Variants in CPAMD8 observed in about 807,000 individuals in gnomAD.
CPAMD8 encodes the protein C3 and PZP like alpha-2-macroglobulin domain containing 8, also known as C3 and PZP-like alpha-2-macroglobulin domain-containing protein 8.
A neutral mutation model predicts 224.7 loss-of-function variants in CPAMD8; 146 were observed. The observed-to-expected ratio is 0.65, with a 90% CI of 0.57 to 0.75. The LOEUF (loss-of-function observed/expected upper bound fraction) is 0.75, where lower values mean the gene tolerates loss of function less well. Among genes scored for constraint, CPAMD8 ranks in the 30% least tolerant of loss-of-function variants. The pLI, the probability that CPAMD8 is intolerant of heterozygous loss-of-function variation, is 0.00. For missense variants in CPAMD8, 2,301 were observed against 2,537.5 expected (o/e 0.91, Z 2.00); for synonymous variants, 966 against 1,044.6 (o/e 0.92, Z 1.45).
intron 26 of CPAMD8, 42 bp downstream of exon 26, chr19:16,925,153 CT>C (rs773898734): frequency 1.9e-6 from 3 of 1,604,488 alleles, no homozygotes; most frequent in African/African-American, 2.7e-5. Flanking sequence ...CTGAACCTGC[CT>C]CCCTTGCTCC....
In CPAMD8 at chr19:16,938,400, G is replaced by T; in HGVS notation, c.2840C>A (p.Pro947His). ...RAYTYSAFFCPSERVHISTPN... is the reference protein window; with the variant it reads ...RAYTYSAFFCHSERVHISTPN... Reference sequence around the variant, plus strand: ...AATGGGCACGGGGGACTCACCACTGGGACAGAAGAATGCGCTGTAGGTGTA... The same window carrying T: ...AATGGGCACGGGGGACTCACCACTGTGACAGAAGAATGCGCTGTAGGTGTA... The change falls in exon 23 of 42, where the codon CCC (proline) becomes CAC (histidine). Residue 947 changes from proline to histidine, a missense_variant. Physicochemically the swap from Pro to His is moderately conservative, Grantham distance 77 (BLOSUM62 -2). This residue lies in a region of CPAMD8 where 1,709 missense variants were observed against 1,753.2 expected (regional missense o/e 0.97). Transcript: ENST00000443236. 2 of 1,561,358 alleles carry T rather than the reference G, an allele frequency of 1.3e-6. No individual in the cohort carries two copies. Among genetic ancestry groups the T allele is most frequent in the Non-Finnish European group, 1.7e-6 (2 of 1,157,066 alleles).
In CPAMD8 at chr19:16,907,179, A is replaced by G. The variant is rs1229167765; in HGVS notation, c.3862-62T>C. Reference sequence around the variant, plus strand: ...TGCTCTGCCCCCATCCCACCCACCCACTGGCTTCTGAGGCATCCCCGAGGA... The same window carrying G: ...TGCTCTGCCCCCATCCCACCCACCCGCTGGCTTCTGAGGCATCCCCGAGGA... On this transcript the variant is annotated intron_variant, in intron 29 of 41. Coordinates refer to ENST00000443236, the MANE Select transcript of CPAMD8 (RefSeq NM_015692.5). 6 of 1,290,980 alleles carry G rather than the reference A, an allele frequency of 4.6e-6. No homozygotes were observed. The South Asian group carries it at 9.3e-5, about 20-fold the overall frequency. The allele number at this position is 1,290,980 out of a possible 1,614,324, so 80.0% of individuals were successfully genotyped here.
intron 9 of CPAMD8, among the ~76,000 whole-genome samples, chr19:17,001,232 A>T (rs1436684473): frequency 6.8e-6 from 1 of 146,692 alleles, no homozygotes; most frequent in Non-Finnish European, 1.5e-5. Context: ...CTGAGGCAGG[A>T]GAATCAATTG....
chr19:16,911,366 CTT>C (rs151247793), intron 29 of CPAMD8, among the ~76,000 whole-genome samples: 11 of 141,932 alleles, frequency 7.8e-5, no homozygotes, highest in African/African-American at 7.7e-5. Flanking sequence ...TTTTTTTGTT[CTT>C]TTTTTTTTTT....
At chr19:16,999,921 G>A (rs895295211) in intron 10 of CPAMD8, among the ~76,000 whole-genome samples, 39 of 151,986 alleles carry the variant, frequency 2.6e-4, no homozygotes, top group African/African-American at 8.9e-4. Flanking sequence ...CAAGTGATCC[G>A]CCCGCCTTGG....
chr19:16,984,187 C>T (rs986759502), intron 13 of CPAMD8, among the ~76,000 whole-genome samples: 1 of 151,814 alleles, frequency 6.6e-6, no homozygotes, highest in African/African-American at 2.4e-5. Flanking sequence ...TGGTGGCTCA[C>T]ACCTGCAATC....
intron 3 of CPAMD8, among the ~76,000 whole-genome samples, chr19:17,014,125 C>G (rs1440853075): frequency 6.6e-6 from 1 of 152,036 alleles, no homozygotes; most frequent in Non-Finnish European, 1.5e-5. Context: ...GATCAGAGCT[C>G]ACTACAGCCT....
At chr19:17,007,457 CGAA>C (rs924136117) in intron 7 of CPAMD8, among the ~76,000 whole-genome samples, 13 of 145,642 alleles carry the variant, frequency 8.9e-5, no homozygotes, top group African/African-American at 2.8e-4. Flanking sequence ...GAAGGAAGAT[CGAA>C]GAAGAAGGAG....
chr19:16,941,929 T>C (rs139216021), intron 22 of CPAMD8, among the ~76,000 whole-genome samples: 13 of 152,184 alleles, frequency 8.5e-5, no homozygotes, highest in African/African-American at 2.6e-4. Context: ...GCTGAGATCA[T>C]GCCATTGCAC....
chr19:16,896,929 G>T lies in CPAMD8; in HGVS notation c.5066-264C>A, dbSNP rs2227369. On this transcript the variant is annotated intron_variant, in intron 39 of 41. Transcript: ENST00000443236. ...GGAGACAGGGCGTCCTGTCTGGGCC[G>T]CCCTGCAACAACAGCCCCGTCCCCT... is the stretch of plus-strand genomic sequence containing the variant. 2.0e-5 allele frequency: 7 copies of T among 345,910 alleles called. No individual in the cohort carries two copies. In the South Asian group the frequency reaches 3.5e-4, roughly 17 times the overall value. 21.4% of individuals were successfully genotyped at this position (345,910 alleles called of 1,614,324 possible). A position where few individuals can be genotyped will look rare whatever the true frequency, so the allele number is the denominator to read the frequency against.
At chr19:16,897,867 G>T in intron 38 of CPAMD8, 22 bp downstream of exon 38, 1 of 1,593,048 alleles carries the variant, frequency 6.3e-7, no homozygotes, top group Non-Finnish European at 8.5e-7. Context: ...GCCGGGCCGG[G>T]GGTGCGGGCG....
At chr19:16,967,814 A>AAAT (rs1281517835) in intron 18 of CPAMD8, among the ~76,000 whole-genome samples, 58 of 79,562 alleles carry the variant, frequency 7.3e-4, no homozygotes, top group South Asian at 1.2e-3. Flanking sequence ...GTCTCACCAA[A>AAAT]ATATATATAT....
chr19:16,998,734 G>A (rs912047335), intron 10 of CPAMD8, among the ~76,000 whole-genome samples: 2 of 152,128 alleles, frequency 1.3e-5, no homozygotes, highest in Admixed American at 6.6e-5. Flanking sequence ...AAACAGGTGG[G>A]AATATAAAAT....
In CPAMD8 at chr19:16,902,771, C is replaced by T. The variant is rs200862393; in HGVS notation, c.4563G>A (p.Pro1521=). ...SLQEPEAQGR[P]PPMPASAAEG... ...CAGCTGCGGAGGCAGGCATGGGGGGCGGGCGTCCCTGGGCCTCAGGCTCCT... is the reference window on the plus strand; with the variant it reads ...CAGCTGCGGAGGCAGGCATGGGGGGTGGGCGTCCCTGGGCCTCAGGCTCCT... The change falls in exon 35 of 42, where the codon CCG becomes CCA. Residue 1521 remains proline (P), a synonymous_variant. Coordinates refer to ENST00000443236, the MANE Select transcript of CPAMD8 (RefSeq NM_015692.5). 2,291 of 1,591,026 alleles carry T rather than the reference C, an allele frequency of 1.4e-3. 2 individuals carry two copies. The highest frequency in any genetic ancestry group is 1.8e-3 in the Non-Finnish European group (2,110 of 1,165,068).
At chr19:17,022,500 T>C (rs969509889) in intron 1 of CPAMD8, among the ~76,000 whole-genome samples, 5 of 151,740 alleles carry the variant, frequency 3.3e-5, no homozygotes, top group Non-Finnish European at 7.4e-5. Context: ...GGACCTTTTT[T>C]TTTTTTTCTT....
In CPAMD8 at chr19:16,990,343, A is replaced by G. The variant is rs183747261; in HGVS notation, c.1267-572T>C. On this transcript the variant is annotated intron_variant, in intron 12 of 41. Coordinates refer to ENST00000443236, the MANE Select transcript of CPAMD8 (RefSeq NM_015692.5). ...ATACCTATAATCTCAGCATTTTGGG[A>G]GGCAGAGGTGTGAGGATCACTTGGG... Among the ~76,000 whole-genome samples the G allele has an allele frequency of 7.1e-3, 1,083 of 151,982 alleles. 6 individuals carry two copies. Among genetic ancestry groups the G allele is most frequent in the Middle Eastern group, 0.024 (7 of 294 alleles).
intron 8 of CPAMD8, among the ~76,000 whole-genome samples, chr19:17,002,753 C>T (rs573049962): frequency 9.9e-5 from 15 of 152,130 alleles, no homozygotes; most frequent in South Asian, 2.1e-4. Context: ...TCTCCATTTG[C>T]TTCTGGACTC....
At chr19:17,022,431 C>G (rs2056984164) in intron 1 of CPAMD8, among the ~76,000 whole-genome samples, 1 of 152,112 alleles carries the variant, frequency 6.6e-6, no homozygotes, top group South Asian at 2.1e-4. Context: ...TGCACAACCC[C>G]TCTTACTCTC....
At chr19:17,011,366 G>A in intron 5 of CPAMD8, 98 bp downstream of exon 5, 1 of 1,292,204 alleles carries the variant, frequency 7.7e-7, no homozygotes, top group Non-Finnish European at 1.1e-6. Context: ...ATAGAAAAGA[G>A]AAGTTCTGGA....
Sources: gnomAD v4.1 joint callset for allele counts (sites outside exome capture counted in the v4.1 genomes callset) on GRCh38, gnomAD v4.1.1 for gene constraint, gnomAD v4.1.1 regional missense constraint, MANE v1.5 for transcripts, NCBI Gene and HGNC (gene_info 2026-07-23, HGNC 2026-07-21) for gene names.